DMD: variants seen among roughly 807,000 people sequenced by gnomAD.
DMD encodes the protein mutant dystrophin.
A neutral mutation model predicts 330.1 loss-of-function variants in DMD; 63 were observed. The observed-to-expected ratio is 0.19, with a 90% CI of 0.16 to 0.24. The LOEUF is 0.24. DMD is among the 10% of genes least tolerant of loss of function. The pLI is 1.00. For synonymous variants in DMD, 1,223 were observed against 959.8 expected, an observed-to-expected ratio of 1.27 and a Z score of -5.07; for missense variants, 3,344 against 2,684.1, an observed-to-expected ratio of 1.25 and a Z score of -5.43.
intron 54 of DMD, among the ~76,000 whole-genome samples, chrX:31,649,481 A>G (rs977684334): frequency 3.6e-5 from 4 of 111,725 alleles, no homozygotes; most frequent in Admixed American, 9.5e-5. Flanking sequence ...TGTTACCACT[A>G]TGAACCTTTT....
At chrX:32,710,621 T>C (rs1010974044) in intron 7 of DMD, among the ~76,000 whole-genome samples, 1 of 111,042 alleles carries the variant, frequency 9.0e-6, no homozygotes, top group Non-Finnish European at 1.9e-5. Context: ...CACTACAAAA[T>C]AGCACCGTGC....
chrX:32,495,235 T>A (rs5972584), intron 19 of DMD, among the ~76,000 whole-genome samples: 6,899 of 111,488 alleles, frequency 0.062, 290 homozygotes, highest in East Asian at 0.15. Flanking sequence ...CCTTCTAAAC[T>A]ATAAACTCCT....
intron 33 of DMD, among the ~76,000 whole-genome samples, chrX:32,385,904 A>G: frequency 9.1e-6 from 1 of 110,267 alleles, no homozygotes; most frequent in East Asian, 2.8e-4. Flanking sequence ...ATAAATAGAT[A>G]CAGTTTATAA....
intron 1 of DMD, among the ~76,000 whole-genome samples, chrX:33,105,674 A>G (rs1425644288): frequency 8.9e-6 from 1 of 112,224 alleles, no homozygotes; most frequent in African/African-American, 3.2e-5. Context: ...ATGAAAAAAT[A>G]CTTAACATCA....
intron 41 of DMD, among the ~76,000 whole-genome samples, chrX:32,340,663 C>A (rs1452024054): frequency 9.0e-6 from 1 of 111,683 alleles, no homozygotes; most frequent in African/African-American, 3.3e-5. Flanking sequence ...GCAAAGGACT[C>A]CCCCTTGAAT....
At chrX:31,691,067 T>A (rs1471447574) in intron 52 of DMD, among the ~76,000 whole-genome samples, 1 of 109,824 alleles carries the variant, frequency 9.1e-6, no homozygotes, top group Admixed American at 9.8e-5. Flanking sequence ...TGTATAGATA[T>A]GTAACAAACC....
At chrX:32,888,140 TTTTA>T (rs1473914893) in intron 2 of DMD, among the ~76,000 whole-genome samples, 1 of 110,522 alleles carries the variant, frequency 9.0e-6, no homozygotes, top group Admixed American at 9.7e-5. Flanking sequence ...GGAACTGAAT[TTTTA>T]TTTTTTATTT....
intron 43 of DMD, among the ~76,000 whole-genome samples, chrX:32,285,733 C>A (rs2097437962): frequency 9.0e-6 from 1 of 111,020 alleles, no homozygotes; most frequent in Admixed American, 9.6e-5. Context: ...CGGAGCCTTG[C>A]TCTGTCACCC....
At chrX:32,642,631 A>G (rs1362325268) in intron 11 of DMD, among the ~76,000 whole-genome samples, 1 of 112,212 alleles carries the variant, frequency 8.9e-6, no homozygotes, top group Non-Finnish European at 1.9e-5. Context: ...GACTTTTTTT[A>G]TGTTTCAGAT....
intron 2 of DMD, among the ~76,000 whole-genome samples, chrX:32,889,626 CTTTG>C (rs1227151763): frequency 9.0e-6 from 1 of 111,051 alleles, no homozygotes; most frequent in Non-Finnish European, 1.9e-5. Context: ...GATCAATGTA[CTTTG>C]TAATCTCCCC....
chrX:32,319,931 A>C (rs1215841326), intron 41 of DMD, among the ~76,000 whole-genome samples: 1 of 110,642 alleles, frequency 9.0e-6, no homozygotes, highest in East Asian at 2.8e-4. Context: ...ATTTTAAGCT[A>C]TTCCAAAATT....
In DMD at chrX:32,565,715, T is replaced by A; in HGVS notation, c.1979A>T (p.Lys660Met). The A allele has an allele frequency of 8.3e-7, 1 of 1,211,466 alleles. No individual in the cohort carries two copies. The highest frequency in any genetic ancestry group is 1.1e-6 in the Non-Finnish European group (1 of 895,172). Residue 660 changes from lysine to methionine, a missense_variant, in exon 16 of 79, where the codon AAG becomes ATG. By Grantham distance (95) the Lys-to-Met change is moderately conservative. Transcript: ENST00000357033. ...GGTATCACTAACCTGTGCTGTACTCTTTTCAAGTTTTTGGACTAAATTATC... is the reference window on the plus strand; with the variant it reads ...GGTATCACTAACCTGTGCTGTACTCATTTCAAGTTTTTGGACTAAATTATC... ...CWDNLVQKLE[K>M]STAQISQAVT...
chrX:32,073,437 T>A (rs1429707200), intron 44 of DMD, among the ~76,000 whole-genome samples: 90 of 111,834 alleles, frequency 8.0e-4, no homozygotes, highest in African/African-American at 2.7e-3. Flanking sequence ...TATACATATT[T>A]TATATTATAA....
intron 43 of DMD, among the ~76,000 whole-genome samples, chrX:32,239,626 T>C: frequency 8.9e-6 from 1 of 112,236 alleles, no homozygotes; most frequent in Non-Finnish European, 1.9e-5. Flanking sequence ...TCCACCATTA[T>C]AGTATCACAC....
At chrX:32,834,244 T>C (rs1603443938) in intron 4 of DMD, among the ~76,000 whole-genome samples, 1 of 111,363 alleles carries the variant, frequency 9.0e-6, no homozygotes, top group Non-Finnish European at 1.9e-5. Flanking sequence ...AGGCCTATTG[T>C]GTGGACTGAC....
chrX:31,665,925 C>T (rs1466531898), intron 53 of DMD, among the ~76,000 whole-genome samples: 2 of 111,975 alleles, frequency 1.8e-5, no homozygotes, highest in Admixed American at 9.5e-5. Context: ...CCAAGTGCTT[C>T]GTTACCTTAA....
intron 43 of DMD, among the ~76,000 whole-genome samples, chrX:32,228,976 A>G (rs774900946): frequency 1.8e-5 from 2 of 111,937 alleles, no homozygotes; most frequent in African/African-American, 6.5e-5. Context: ...CATTTTATTC[A>G]TTTTGCAAAT....
At chrX:31,443,296 C>T (rs1224819219) in intron 60 of DMD, among the ~76,000 whole-genome samples, 4 of 111,046 alleles carry the variant, frequency 3.6e-5, no homozygotes, top group Non-Finnish European at 5.7e-5. Flanking sequence ...TTAACTCATT[C>T]GATGTTACAG....
chrX:32,839,084 C>T (rs1344349120), intron 4 of DMD, among the ~76,000 whole-genome samples: 1 of 111,378 alleles, frequency 9.0e-6, no homozygotes, highest in Non-Finnish European at 1.9e-5. Context: ...TTTTTTTAGT[C>T]ATTGTCATCT....
Sources: gnomAD v4.1 joint callset for allele counts (sites outside exome capture counted in the v4.1 genomes callset) on GRCh38, gnomAD v4.1.1 for gene constraint, MANE v1.5 for transcripts, NCBI Gene and HGNC (gene_info 2026-07-23, HGNC 2026-07-21) for gene names.